Variants in RPRD2 observed in about 807,000 individuals in gnomAD.
The protein encoded by RPRD2 is regulation of nuclear pre-mRNA domain-containing protein 2.
In RPRD2, 12 loss-of-function variants were observed where a neutral mutation model predicts 104.4. That is an observed-to-expected ratio of 0.11 (90% CI 0.07 to 0.19). The LOEUF (loss-of-function observed/expected upper bound fraction) is 0.19. Among genes scored for constraint, RPRD2 ranks in the 10% least tolerant of loss-of-function variants. RPRD2 has a pLI of 1.00. For synonymous variants in RPRD2, 714 were observed against 684.9 expected (o/e 1.04, Z -0.66); for missense variants, 1,543 against 1,790.1 (o/e 0.86, Z 2.49).
intron 1 of RPRD2, among the ~76,000 whole-genome samples, chr1:150,384,450 C>CATT (rs60436957): frequency 0.069 from 9,051 of 132,014 alleles, 344 homozygotes; most frequent in East Asian, 0.2. Context: ...GCATCATCAT[C>CATT]ATTATTATTA....
chr1:150,441,565 G>C (rs1241231229), intron 3 of RPRD2: 1 of 244,136 alleles, frequency 4.1e-6, no homozygotes, highest in Admixed American at 5.1e-5. Context: ...CATTTTACTA[G>C]AAATTTGCTT....
chr1:150,390,586 T>C (rs1329937763), intron 1 of RPRD2, among the ~76,000 whole-genome samples: 1 of 152,118 alleles, frequency 6.6e-6, no homozygotes, highest in Non-Finnish European at 1.5e-5. Context: ...GGAACAACTC[T>C]TAGACAGTTA....
chr1:150,425,085 C>T (rs1277290796), intron 2 of RPRD2, among the ~76,000 whole-genome samples: 1 of 152,038 alleles, frequency 6.6e-6, no homozygotes, highest in African/African-American at 2.4e-5. Context: ...AACTCTATAA[C>T]TTTAGATAAA....
At chr1:150,466,893 A>G (rs149865043) in intron 10 of RPRD2, among the ~76,000 whole-genome samples, 9 of 152,324 alleles carry the variant, frequency 5.9e-5, no homozygotes, top group East Asian at 5.8e-4. Context: ...GATTTACTCT[A>G]TATCAGTAGT....
chr1:150,439,787 C>T (rs1666288154), intron 2 of RPRD2, among the ~76,000 whole-genome samples: 1 of 152,140 alleles, frequency 6.6e-6, no homozygotes, highest in South Asian at 2.1e-4. Context: ...TCTACGGCTT[C>T]ATACTTTTGT....
chr1:150,472,877 C>T lies in RPRD2; in HGVS notation c.3929C>T (p.Pro1310Leu). The T allele has an allele frequency of 6.2e-7, 1 of 1,613,134 alleles. No homozygotes were observed. The highest frequency in any genetic ancestry group is 8.5e-7 in the Non-Finnish European group (1 of 1,179,486). The change falls in exon 11 of 11, where the codon CCA becomes CTA. Residue 1310 changes from proline to leucine, a missense_variant. Transcript: ENST00000369068. ...TCTGGAGTTGTACCCTTCCCAGCCCCACCACTGGCAGAGCACGGAGTGGCA... is the reference window on the plus strand; with the variant it reads ...TCTGGAGTTGTACCCTTCCCAGCCCTACCACTGGCAGAGCACGGAGTGGCA... ...DHSGVVPFPA[P>L]PLAEHGVAGA...
chr1:150,440,618 G>A (rs1279486103), intron 2 of RPRD2, among the ~76,000 whole-genome samples: 1 of 152,138 alleles, frequency 6.6e-6, no homozygotes, highest in Non-Finnish European at 1.5e-5. Context: ...GTTTTAGAAT[G>A]CCAGTTGTGT....
At chr1:150,398,749 G>A (rs1553884752) in intron 1 of RPRD2, among the ~76,000 whole-genome samples, 1 of 151,686 alleles carries the variant, frequency 6.6e-6, no homozygotes, top group African/African-American at 2.4e-5. Context: ...CACCATGTCG[G>A]CCAGGCTGGT....
intron 1 of RPRD2, among the ~76,000 whole-genome samples, chr1:150,369,166 A>T (rs1415017914): frequency 6.6e-6 from 1 of 152,244 alleles, no homozygotes; most frequent in Non-Finnish European, 1.5e-5. Context: ...GTTTATCAGA[A>T]GGAAGCATTT....
intron 2 of RPRD2, among the ~76,000 whole-genome samples, chr1:150,421,949 A>ACTCCAGC (rs1376791226): frequency 2.0e-5 from 3 of 152,074 alleles, no homozygotes; most frequent in Non-Finnish European, 4.4e-5. Flanking sequence ...GGCACTCCAC[A>ACTCCAGC]CTCCAGCCTG....
intron 1 of RPRD2, among the ~76,000 whole-genome samples, chr1:150,369,441 A>ATTTTTTTTTT (rs58054758): frequency 8.7e-5 from 5 of 57,498 alleles, no homozygotes; most frequent in African/African-American, 6.7e-5. Flanking sequence ...CACCTGGCTA[A>ATTTTTTTTTT]TTTTTTTTTT....
intron 7 of RPRD2, among the ~76,000 whole-genome samples, chr1:150,454,097 G>A (rs1214072085): frequency 6.6e-6 from 1 of 151,956 alleles, no homozygotes; most frequent in Non-Finnish European, 1.5e-5. Flanking sequence ...TTTCTGCTTG[G>A]CTTCTTCCCT....
At position 150,464,632 on chromosome 1, in the gene RPRD2, C is replaced by G; in HGVS notation, c.1517C>G (p.Pro506Arg). 6.2e-7 allele frequency: 1 copy of G among 1,612,490 alleles called. No individual in the cohort carries two copies. Among genetic ancestry groups the G allele is most frequent in the Non-Finnish European group, 8.5e-7 (1 of 1,179,290 alleles). The part of the protein sequence containing the change: ...PAPATTTSHN[P>R]LANILSKVEI... ...CCTGCCACGACAACATCTCACAACCCTCTGGCAAATATCCTCTCCAAGGTG... is the reference window on the plus strand; with the variant it reads ...CCTGCCACGACAACATCTCACAACCGTCTGGCAAATATCCTCTCCAAGGTG... The change falls in exon 10 of 11, where the codon CCT becomes CGT. Residue 506 changes from proline to arginine, a missense_variant. By Grantham distance (103) the Pro-to-Arg change is moderately radical (BLOSUM62 -2). This residue lies in a region of RPRD2 where 572 missense variants were observed against 787.3 expected (regional missense o/e 0.73). Coordinates refer to ENST00000369068, the MANE Select transcript of RPRD2 (RefSeq NM_015203.5).
chr1:150,389,307 C>T (rs587649559), intron 1 of RPRD2, among the ~76,000 whole-genome samples: 3 of 152,288 alleles, frequency 2.0e-5, no homozygotes, highest in South Asian at 2.1e-4. Flanking sequence ...GCCTCGGCCT[C>T]GCAAAGTGCT....
At chr1:150,419,986 C>T (rs1664647174) in intron 2 of RPRD2, among the ~76,000 whole-genome samples, 1 of 152,114 alleles carries the variant, frequency 6.6e-6, no homozygotes, top group Admixed American at 6.6e-5. Context: ...GGTAAATTGC[C>T]TAAACTCTCA....
intron 2 of RPRD2, among the ~76,000 whole-genome samples, chr1:150,437,768 T>G (rs1406149550): frequency 6.6e-6 from 1 of 151,660 alleles, no homozygotes; most frequent in Non-Finnish European, 1.5e-5. Flanking sequence ...TTTGCAGAGA[T>G]GGGGTTTCGC....
chr1:150,472,041 C>G lies in RPRD2; in HGVS notation c.3093C>G (p.Ser1031Arg), dbSNP rs887283383. The G allele has an allele frequency of 6.2e-7, 1 of 1,613,872 alleles. No individual in the cohort carries two copies. The highest frequency in any genetic ancestry group is 1.3e-5 in the African/African-American group (1 of 75,046). The change falls in exon 11 of 11, where the codon AGC becomes AGG. Residue 1031 changes from serine to arginine, a missense_variant. This residue lies in a region of RPRD2 where 880 missense variants were observed against 885.6 expected (regional missense o/e 0.99). Transcript: ENST00000369068. ...ATAAGCATTTTGGCCAGGCTCCCAG[C>G]AAGGGCACTCCAAGTGATGGTGTCA... ...SDDKHFGQAP[S>R]KGTPSDGVSL...
At chr1:150,392,375 C>T (rs1315078159) in intron 1 of RPRD2, among the ~76,000 whole-genome samples, 1 of 152,008 alleles carries the variant, frequency 6.6e-6, no homozygotes, top group Non-Finnish European at 1.5e-5. Context: ...CGTGGTGGCA[C>T]ATGCCTGTAA....
intron 9 of RPRD2, among the ~76,000 whole-genome samples, chr1:150,462,050 A>G (rs370921072): frequency 2.0e-5 from 3 of 151,750 alleles, no homozygotes; most frequent in African/African-American, 7.3e-5. Context: ...TTGGGAGGCC[A>G]AGGCAGGCGG....
Sources: gnomAD v4.1 joint callset for allele counts (sites outside exome capture counted in the v4.1 genomes callset) on GRCh38, gnomAD v4.1.1 for gene constraint, gnomAD v4.1.1 regional missense constraint, MANE v1.5 for transcripts, NCBI Gene and HGNC (gene_info 2026-07-23, HGNC 2026-07-21) for gene names.